The following FAM81A variants were observed in gnomAD, a reference collection of about 807,000 sequenced individuals.
FAM81A encodes the protein protein FAM81A.
Under a neutral mutation model 46.7 loss-of-function variants are expected in FAM81A, and 19 were observed. That is an observed-to-expected ratio of 0.41 (90% CI 0.28 to 0.60). The LOEUF (loss-of-function observed/expected upper bound fraction) is 0.60. Among genes scored for constraint, FAM81A ranks in the 20% least tolerant of loss-of-function variants. FAM81A has a pLI of 0.34. For synonymous variants in FAM81A, 183 were observed against 152.9 expected (o/e 1.20, Z -1.45); for missense variants, 377 against 453.5 (o/e 0.83, Z 1.53).
chr15:59,516,758 G>A lies in FAM81A; in HGVS notation c.900G>A (p.Glu300=), dbSNP rs1346632047. The part of the protein sequence containing the change: ...TFDGQRTRQE[E]EKMHGRITKL... ...ATGGTCAGAGAACAAGGCAAGAAGA[G>A]GAGAAGATGCACGGGCGAATCACCA... Residue 300 remains glutamate (E), a synonymous_variant, in exon 8 of 9, where the codon GAG becomes GAA. Coordinates refer to ENST00000288228, the MANE Select transcript of FAM81A (RefSeq NM_152450.3). 3 of 1,613,496 alleles carry A rather than the reference G, an allele frequency of 1.9e-6. No individual in the cohort carries two copies. In the South Asian group the frequency reaches 3.3e-5, roughly 18 times the overall value.
chr15:59,433,630 T>G (rs768764032), upstream of FAM81A, among the ~76,000 whole-genome samples: 1 of 152,186 alleles, frequency 6.6e-6, no homozygotes, highest in Admixed American at 6.5e-5. Context: ...ATGAAAAATC[T>G]ATAATTTCTA....
chr15:59,471,102 ACCACACT>A (rs1293286747), intron 3 of FAM81A, among the ~76,000 whole-genome samples: 1 of 152,114 alleles, frequency 6.6e-6, no homozygotes, highest in Admixed American at 6.5e-5. Context: ...GACATGAGTC[ACCACACT>A]TGGCTGAGAA....
rs1278476328 is a variant in FAM81A, at chr15:59,497,318, C to CAGGTTAGT, written c.413+4930_413+4931insGGTTAGTA. Among the ~76,000 whole-genome samples the CAGGTTAGT allele has an allele frequency of 4.6e-5, 7 of 151,536 alleles. No homozygotes were observed. In the South Asian group the frequency reaches 1.5e-3, roughly 32 times the overall value. ...AAAATTAGCCAGGTGTGGTAGTGGC[C>CAGGTTAGT]ACCTGTAATCCCAGCTACTCGGGTG... On this transcript the variant is annotated intron_variant, in intron 4 of 8. Transcript: ENST00000288228.
At chr15:59,431,528 C>A (rs1306358285) in intron 2 of FAM81A, among the ~76,000 whole-genome samples, 4 of 149,110 alleles carry the variant, frequency 2.7e-5, no homozygotes, top group Non-Finnish European at 5.9e-5. Flanking sequence ...CCACTGCAAC[C>A]AGCCTTTTTT....
intron 2 of FAM81A, among the ~76,000 whole-genome samples, chr15:59,414,771 G>A (rs1468376908): frequency 2.6e-5 from 4 of 152,126 alleles, no homozygotes; most frequent in East Asian, 1.9e-4. Context: ...TGTATTTAGC[G>A]ATGGCATTTC....
intron 2 of FAM81A, among the ~76,000 whole-genome samples, chr15:59,459,666 G>A (rs1461540460): frequency 1.3e-5 from 2 of 152,108 alleles, no homozygotes; most frequent in African/African-American, 4.8e-5. Context: ...ATATTGGGGA[G>A]ACATCTCGGT....
intron 2 of FAM81A, among the ~76,000 whole-genome samples, chr15:59,421,729 G>GTCTGTCTGTCTATCTA (rs199854304): frequency 3.2e-4 from 41 of 128,976 alleles, no homozygotes; most frequent in East Asian, 1.3e-3. Flanking sequence ...CTGTCTGTCT[G>GTCTGTCTGTCTATCTA]TCTATCTATC....
chr15:59,436,061 C>T (rs1305048138), upstream of FAM81A, among the ~76,000 whole-genome samples: 1 of 152,154 alleles, frequency 6.6e-6, no homozygotes, highest in Non-Finnish European at 1.5e-5. Flanking sequence ...CCGGTTCTTA[C>T]TGAGAAATTC....
rs1336023211 is a variant in FAM81A, at chr15:59,460,980, C to T, written c.294+774C>T. ...AATTAAACCTCATTTCTTTTTTTTC[C>T]ATTGTCAGATTTGTATGTATGTATT... On this transcript the variant is annotated intron_variant, in intron 3 of 8. Transcript: ENST00000288228. The surrounding 1 kb of genome is among the most constrained non-coding windows in gnomAD (Gnocchi z 4.4). Among the ~76,000 whole-genome samples, 2 of 151,674 alleles carry T rather than the reference C, an allele frequency of 1.3e-5. No homozygotes were observed. Among genetic ancestry groups the T allele is most frequent in the African/African-American group, 4.8e-5 (2 of 41,266 alleles).
intron 2 of FAM81A, among the ~76,000 whole-genome samples, chr15:59,405,496 C>G (rs1344049436): frequency 6.6e-6 from 1 of 152,094 alleles, no homozygotes; most frequent in Non-Finnish European, 1.5e-5. Context: ...TGAAAATTAG[C>G]TGAGCATGGT....
chr15:59,518,248 G>C (rs2082288172), intron 8 of FAM81A, among the ~76,000 whole-genome samples: 1 of 151,644 alleles, frequency 6.6e-6, no homozygotes, highest in African/African-American at 2.4e-5. Context: ...GAAGTGCTGG[G>C]ATTACAGGCA....
At chr15:59,442,434 G>C (rs1448921988) in intron 1 of FAM81A, among the ~76,000 whole-genome samples, 1 of 151,932 alleles carries the variant, frequency 6.6e-6, no homozygotes, top group Non-Finnish European at 1.5e-5. Context: ...CTAACATATA[G>C]TGAAACCCCA....
intron 4 of FAM81A, among the ~76,000 whole-genome samples, chr15:59,495,518 C>A (rs1465290241): frequency 1.3e-5 from 2 of 152,180 alleles, no homozygotes; most frequent in Non-Finnish European, 1.5e-5. Flanking sequence ...GTTTTCATTT[C>A]TCTTGGATAT....
intron 1 of FAM81A, among the ~76,000 whole-genome samples, chr15:59,455,381 G>A (rs1045028746): frequency 3.3e-5 from 5 of 152,152 alleles, no homozygotes; most frequent in African/African-American, 1.2e-4. Flanking sequence ...TAAGGTTGTA[G>A]ACAGACCTGT....
intron 3 of FAM81A, among the ~76,000 whole-genome samples, chr15:59,468,436 G>C (rs1335345252): frequency 6.6e-6 from 1 of 152,050 alleles, no homozygotes; most frequent in African/African-American, 2.4e-5. Context: ...TTTAGTCTTG[G>C]GAGGGTGTGT....
At chr15:59,482,073 A>G (rs1234063166) in intron 3 of FAM81A, among the ~76,000 whole-genome samples, 1 of 152,062 alleles carries the variant, frequency 6.6e-6, no homozygotes, top group Non-Finnish European at 1.5e-5. Flanking sequence ...ATCCCACACC[A>G]GAGTGGTATG....
intron 3 of FAM81A, among the ~76,000 whole-genome samples, chr15:59,462,881 A>G (rs2081569730): frequency 6.6e-6 from 1 of 152,216 alleles, no homozygotes; most frequent in African/African-American, 2.4e-5. Context: ...ATTATTGATA[A>G]CTTATGAAAG....
intron 1 of FAM81A, chr15:59,401,158 C>A: frequency 1.3e-6 from 1 of 748,566 alleles, no homozygotes; most frequent in Non-Finnish European, 2.5e-6. Flanking sequence ...TCAGAAACAT[C>A]ACAGTAATGG....
intron 1 of FAM81A, among the ~76,000 whole-genome samples, chr15:59,446,088 A>G (rs1298661017): frequency 6.6e-6 from 1 of 152,228 alleles, no homozygotes; most frequent in Non-Finnish European, 1.5e-5. Flanking sequence ...AAAAAGGTGA[A>G]TGAACAAATA....
Sources: gnomAD v4.1 joint callset for allele counts (sites outside exome capture counted in the v4.1 genomes callset) on GRCh38, gnomAD v4.1.1 for gene constraint, Gnocchi (gnomAD v3.1) non-coding constraint, MANE v1.5 for transcripts, NCBI Gene and HGNC (gene_info 2026-07-23, HGNC 2026-07-21) for gene names.